CTNNA2: variants seen among roughly 807,000 people sequenced by gnomAD.
CTNNA2 encodes the protein catenin alpha 2.
In CTNNA2, 42 loss-of-function variants were observed where a neutral mutation model predicts 101.0. The observed-to-expected ratio is 0.42, with a 90% CI of 0.32 to 0.54. The LOEUF is 0.54. CTNNA2 is among the 20% of genes least tolerant of loss of function. The pLI is 0.14. For missense variants in CTNNA2, 871 were observed against 1,223.1 expected (o/e 0.71, Z 4.29); for synonymous variants, 450 against 456.4 (o/e 0.99, Z 0.18).
At chr2:80,223,120 A>G (rs566178911) in intron 7 of CTNNA2, among the ~76,000 whole-genome samples, 1 of 152,212 alleles carries the variant, frequency 6.6e-6, no homozygotes, top group African/African-American at 2.4e-5. Context: ...GAGTTTGTAA[A>G]TTCTATGGGC....
intron 7 of CTNNA2, among the ~76,000 whole-genome samples, chr2:79,933,346 T>C (rs1028016474): frequency 1.3e-5 from 2 of 152,222 alleles, no homozygotes; most frequent in African/African-American, 4.8e-5. Flanking sequence ...GGCTAGGATT[T>C]GTATCTTCAT....
At chr2:80,588,537 T>C (rs1696167421) in intron 14 of CTNNA2, among the ~76,000 whole-genome samples, 1 of 152,154 alleles carries the variant, frequency 6.6e-6, no homozygotes, top group African/African-American at 2.4e-5. Flanking sequence ...AGTAGGCAAA[T>C]TGGCAAATGA....
intron 1 of CTNNA2, among the ~76,000 whole-genome samples, chr2:79,193,393 T>A (rs1673900309): frequency 6.6e-6 from 1 of 152,196 alleles, no homozygotes; most frequent in Non-Finnish European, 1.5e-5. Flanking sequence ...CAAATATTTA[T>A]CATTGTGTAA....
At chr2:80,227,110 G>C (rs1309491991) in intron 7 of CTNNA2, among the ~76,000 whole-genome samples, 1 of 152,150 alleles carries the variant, frequency 6.6e-6, no homozygotes, top group East Asian at 1.9e-4. Flanking sequence ...TGAATACACA[G>C]ATCATCCATT....
In CTNNA2 at chr2:79,848,432, C is replaced by CTTATT. The variant is rs1177014355; in HGVS notation, c.299-9580_299-9579insTATTT. The stretch of plus-strand genomic sequence containing the variant: ...ATAATCACCTTTTTATGGAATGTGG[C>CTTATT]TATTGCTACATTTAACAGGTCTTTG... On this transcript the variant is annotated intron_variant, in intron 3 of 18. Coordinates refer to ENST00000402739, the MANE Select transcript of CTNNA2 (RefSeq NM_001282597.3). 1.4e-3 allele frequency among the ~76,000 whole-genome samples: 212 copies of CTTATT among 152,278 alleles called. 1 individual carries two copies. The highest frequency in any genetic ancestry group is 4.9e-3 in the African/African-American group (202 of 41,552).
intron 7 of CTNNA2, among the ~76,000 whole-genome samples, chr2:80,065,697 C>T (rs1255629662): frequency 6.6e-6 from 1 of 152,078 alleles, no homozygotes; most frequent in Non-Finnish European, 1.5e-5. Context: ...CATAAATTAC[C>T]TCATTTCTCC....
At chr2:80,049,234 C>T (rs1377443312) in intron 7 of CTNNA2, among the ~76,000 whole-genome samples, 1 of 152,056 alleles carries the variant, frequency 6.6e-6, no homozygotes, top group Non-Finnish European at 1.5e-5. Context: ...CAGAGAATAA[C>T]AGTTAAGACC....
intron 7 of CTNNA2, among the ~76,000 whole-genome samples, chr2:80,033,418 T>C (rs1300419186): frequency 2.7e-5 from 4 of 150,800 alleles, no homozygotes; most frequent in African/African-American, 9.8e-5. Flanking sequence ...CAAAAAAAAT[T>C]AGAAATTAGC....
intron 3 of CTNNA2, among the ~76,000 whole-genome samples, chr2:79,323,787 A>G (rs987473868): frequency 2.6e-5 from 4 of 152,070 alleles, no homozygotes; most frequent in African/African-American, 9.7e-5. Flanking sequence ...TTTCTCAAAG[A>G]GTTTTTTTCT....
At chr2:79,349,110 C>T (rs1163034917) in intron 3 of CTNNA2, among the ~76,000 whole-genome samples, 1 of 152,166 alleles carries the variant, frequency 6.6e-6, no homozygotes, top group Non-Finnish European at 1.5e-5. Flanking sequence ...ATCATGCATA[C>T]TGATGGTATA....
chr2:79,451,740 G>T (rs1435440296), intron 4 of CTNNA2, among the ~76,000 whole-genome samples: 4 of 150,564 alleles, frequency 2.7e-5, no homozygotes, highest in African/African-American at 9.7e-5. Context: ...TCATTATTTG[G>T]CATGTATTAT....
intron 1 of CTNNA2, chr2:79,523,141 C>A: frequency 5.8e-6 from 2 of 342,286 alleles, no homozygotes; most frequent in Non-Finnish European, 1.2e-5. Flanking sequence ...TCTTCCTCTA[C>A]ATTAGTTTTT....
chr2:79,339,550 T>C (rs568650224), intron 3 of CTNNA2: 2 of 152,324 alleles, frequency 1.3e-5, no homozygotes, highest in South Asian at 2.1e-4. Context: ...ATTTTTACAA[T>C]GTAAGTTATC....
In CTNNA2 at chr2:80,303,844, T is replaced by A. The variant is rs760124685; in HGVS notation, c.1057-89367T>A. ...TTAGCGAGAATCTTTCCAGAGAGACTGGAGAATGTCCATTGGAAGCGCTCG... is the reference window on the plus strand; with the variant it reads ...TTAGCGAGAATCTTTCCAGAGAGACAGGAGAATGTCCATTGGAAGCGCTCG... On this transcript the variant is annotated intron_variant, in intron 7 of 18. Transcript: ENST00000402739. The surrounding 1 kb of genome is among the most constrained non-coding windows in gnomAD (Gnocchi z 7.7). 4.0e-6 allele frequency: 6 copies of A among 1,491,582 alleles called. No homozygotes were observed. In the South Asian group the frequency reaches 8.8e-5, roughly 22 times the overall value. The allele number at this position is 1,491,582 out of a possible 1,614,324, so 92.4% of individuals were successfully genotyped here. A position where few individuals can be genotyped will look rare whatever the true frequency, so the allele number is the denominator to read the frequency against.
intron 9 of CTNNA2, among the ~76,000 whole-genome samples, chr2:80,467,980 A>G (rs992383936): frequency 2.0e-5 from 3 of 152,210 alleles, no homozygotes; most frequent in African/African-American, 7.2e-5. Context: ...AAACTAAGAT[A>G]CAAACATAAT....
intron 1 of CTNNA2, among the ~76,000 whole-genome samples, chr2:79,558,863 C>G (rs1362169764): frequency 1.3e-5 from 2 of 151,776 alleles, no homozygotes; most frequent in African/African-American, 4.8e-5. Flanking sequence ...AAAATTAATT[C>G]TAAGTGTAGA....
chr2:80,452,648 A>G (rs1683613813), intron 9 of CTNNA2, among the ~76,000 whole-genome samples: 1 of 151,598 alleles, frequency 6.6e-6, no homozygotes, highest in African/African-American at 2.4e-5. Flanking sequence ...AGAAGAAAGG[A>G]TGCTGGTGGC....
chr2:80,566,312 TGTTG>T (rs1313048475), intron 12 of CTNNA2, among the ~76,000 whole-genome samples: 1 of 152,178 alleles, frequency 6.6e-6, no homozygotes. Context: ...TGCCATATTC[TGTTG>T]GTTAGAAGTG....
chr2:79,653,385 C>T (rs1350592934), intron 2 of CTNNA2, among the ~76,000 whole-genome samples: 1 of 152,142 alleles, frequency 6.6e-6, no homozygotes, highest in African/African-American at 2.4e-5. Context: ...GTAGGATTCT[C>T]AAGAACATTG....
Sources: gnomAD v4.1 joint callset for allele counts (sites outside exome capture counted in the v4.1 genomes callset) on GRCh38, gnomAD v4.1.1 for gene constraint, Gnocchi (gnomAD v3.1) non-coding constraint, MANE v1.5 for transcripts, NCBI Gene and HGNC (gene_info 2026-07-23, HGNC 2026-07-21) for gene names.